Variants in ANKRD18A observed in about 807,000 individuals in gnomAD.
ANKRD18A encodes the protein ankyrin repeat domain 18A.
ANKRD18A carries 72 observed loss-of-function variants against 110.6 expected under a neutral mutation model. That is an observed-to-expected ratio of 0.65 (90% CI 0.54 to 0.79). The LOEUF (loss-of-function observed/expected upper bound fraction) is 0.79, where lower values mean the gene tolerates loss of function less well. ANKRD18A is among the 30% of genes least tolerant of loss of function. The pLI, the probability that ANKRD18A is intolerant of heterozygous loss-of-function variation, is 0.00. For missense variants in ANKRD18A, 934 were observed against 1,163.3 expected, an observed-to-expected ratio of 0.80 and a Z score of 2.87; for synonymous variants, 305 against 410.3, an observed-to-expected ratio of 0.74 and a Z score of 3.10.
intron 12 of ANKRD18A, among the ~76,000 whole-genome samples, chr9:38,580,477 A>G (rs1331213668): frequency 2.6e-5 from 4 of 152,260 alleles, no homozygotes; most frequent in African/African-American, 4.8e-5. Flanking sequence ...TGGTTAATGG[A>G]TACAGAATTA....
intron 5 of ANKRD18A, among the ~76,000 whole-genome samples, 160 bp downstream of exon 5, chr9:38,610,113 G>T (rs988930553): frequency 7.2e-5 from 11 of 152,172 alleles, no homozygotes; most frequent in Admixed American, 4.6e-4. Context: ...AACTAGTCTA[G>T]CTTTCTGTGT....
At chr9:38,589,445 C>T (rs188587417) in intron 10 of ANKRD18A, among the ~76,000 whole-genome samples, 68 of 152,342 alleles carry the variant, frequency 4.5e-4, no homozygotes, top group Non-Finnish European at 7.6e-4. Context: ...AAGTTATGAA[C>T]CTGTCACAAT....
At position 38,618,386 on chromosome 9, in the gene ANKRD18A, G is replaced by T. The variant is rs865787995; in HGVS notation, c.206+1694C>A. On this transcript the variant is annotated intron_variant, in intron 1 of 15. Coordinates refer to ENST00000399703, the MANE Select transcript of ANKRD18A (RefSeq NM_147195.4). Reference sequence around the variant, plus strand: ...CAAACTGATTTGTTTTTCCTCACTGGCTGTAACAAAATGCATCTTCACATA... The same window carrying T: ...CAAACTGATTTGTTTTTCCTCACTGTCTGTAACAAAATGCATCTTCACATA... Among the ~76,000 whole-genome samples the T allele has an allele frequency of 3.8e-4, 58 of 152,200 alleles. No individual in the cohort carries two copies. The Middle Eastern group carries it at 0.01, about 27-fold the overall frequency.
Position 38,577,216 on chromosome 9 carries a change from T to C in ANKRD18A, c.2578A>G (p.Thr860Ala). Residue 860 changes from threonine (T) to alanine (A), a missense_variant, in exon 14 of 16, where the codon ACG (threonine) becomes GCG (alanine). This residue lies in a region of ANKRD18A where 223 missense variants were observed against 226.7 expected (regional missense o/e 0.98). Transcript: ENST00000399703. ...KQLEQLNKDNTASLKKKELTL... is the reference protein window; with the variant it reads ...KQLEQLNKDNAASLKKKELTL... ...AGTTCCTTCTTTTTTAGTGAAGCCG[T>C]ATTATCCTTGTTTAACTGCTCTAAT... 1 of 1,544,656 alleles carries C rather than the reference T, an allele frequency of 6.5e-7. No individual in the cohort carries two copies. The highest frequency in any genetic ancestry group is 8.7e-7 in the Non-Finnish European group (1 of 1,145,560).
intron 1 of ANKRD18A, 95 bp downstream of exon 1, chr9:38,619,985 C>A: frequency 6.9e-7 from 1 of 1,442,914 alleles, no homozygotes; most frequent in Admixed American, 2.6e-5. Context: ...CGAGGGTGCC[C>A]GGCGCCCTCC....
At chr9:38,571,320 G>T, downstream of ANKRD18A, 1 of 1,125,794 alleles carries the variant, frequency 8.9e-7, no homozygotes, top group Non-Finnish European at 1.2e-6. Flanking sequence ...TCTACCACTG[G>T]CCTAATCTTG....
downstream of ANKRD18A, among the ~76,000 whole-genome samples, chr9:38,569,687 G>T (rs1412251886): frequency 6.6e-6 from 1 of 152,134 alleles, no homozygotes; most frequent in Non-Finnish European, 1.5e-5. Flanking sequence ...GTGTTTGTTT[G>T]TCTTGCTTCT....
downstream of ANKRD18A, chr9:38,568,794 C>T: frequency 1.0e-6 from 1 of 985,336 alleles, no homozygotes; most frequent in Non-Finnish European, 1.2e-6. Context: ...CTGACTGCTG[C>T]TGGGGGGACC....
intron 15 of ANKRD18A, chr9:38,573,230 G>T: frequency 1.8e-6 from 1 of 562,056 alleles, no homozygotes; most frequent in South Asian, 8.6e-5. Context: ...TATTTTTAGT[G>T]ACTAGACATA....
At chr9:38,570,681 C>A (rs1167393680), downstream of ANKRD18A, among the ~76,000 whole-genome samples, 1 of 152,258 alleles carries the variant, frequency 6.6e-6, no homozygotes, top group Non-Finnish European at 1.5e-5. Context: ...AGTCTCATTA[C>A]AATGCCACCA....
chr9:38,610,928 A>T (rs1164525214), intron 4 of ANKRD18A, among the ~76,000 whole-genome samples: 2 of 151,264 alleles, frequency 1.3e-5, no homozygotes, highest in Admixed American at 6.6e-5. Flanking sequence ...ACACTTCATA[A>T]AATTAATAAA....
chr9:38,603,049 T>C (rs1173821036), intron 7 of ANKRD18A, 110 bp downstream of exon 7: 2 of 1,419,340 alleles, frequency 1.4e-6, no homozygotes, highest in Non-Finnish European at 1.9e-6. Context: ...AATAGACTGA[T>C]GTACTCCATG....
intron 12 of ANKRD18A, among the ~76,000 whole-genome samples, chr9:38,581,260 C>T (rs988922824): frequency 3.3e-5 from 5 of 152,198 alleles, no homozygotes; most frequent in African/African-American, 1.2e-4. Context: ...TGATGACAAA[C>T]ATTATTGAGA....
At chr9:38,614,433 C>T (rs1031716094) in intron 3 of ANKRD18A, among the ~76,000 whole-genome samples, 2 of 152,058 alleles carry the variant, frequency 1.3e-5, no homozygotes, top group African/African-American at 4.8e-5. Context: ...CAGGAACATG[C>T]CACAGTGCAT....
At chr9:38,578,746 T>C (rs555488037) in intron 12 of ANKRD18A, among the ~76,000 whole-genome samples, 3 of 152,188 alleles carry the variant, frequency 2.0e-5, no homozygotes, top group East Asian at 1.9e-4. Flanking sequence ...TAGCCAGGCA[T>C]GGTGGCTCAG....
chr9:38,613,839 C>G (rs2996355), intron 3 of ANKRD18A, among the ~76,000 whole-genome samples: 1 of 151,980 alleles, frequency 6.6e-6, no homozygotes, highest in Non-Finnish European at 1.5e-5. Flanking sequence ...TGAACATTTG[C>G]TGACACATAA....
Position 38,595,956 on chromosome 9 carries a change from T to C in ANKRD18A, c.1384A>G (p.Ile462Val), listed in dbSNP as rs2118783432. Residue 462 changes from isoleucine to valine, a missense_variant, in exon 9 of 16, where the codon ATT becomes GTT. Physicochemically the swap from Ile to Val is conservative, Grantham distance 29 (BLOSUM62 3). This residue lies in a region of ANKRD18A where 630 missense variants were observed against 797.5 expected (regional missense o/e 0.79). Transcript: ENST00000399703. ...TCATTCTTATCTGTTAGTTGAGAAA[T>C]ATTAGAACCCATTTTTTCATGTCTA... ...VSRHEKMGSN[I>V]SQLTDKNELL... 2.6e-6 allele frequency: 4 copies of C among 1,550,372 alleles called. No homozygotes were observed. Among genetic ancestry groups the C allele is most frequent in the South Asian group, 1.2e-5 (1 of 83,734 alleles).
In ANKRD18A at chr9:38,607,509, G is replaced by A. The variant is rs78175524; in HGVS notation, c.741-16C>T. 1,196 of 1,408,310 alleles carry A rather than the reference G, an allele frequency of 8.5e-4. 28 individuals are homozygous for A. In the East Asian group the frequency reaches 0.025, roughly 29 times the overall value. 87.2% of individuals were successfully genotyped at this position (1,408,310 alleles called of 1,614,324 possible). A position where few individuals can be genotyped will look rare whatever the true frequency, so the allele number is the denominator to read the frequency against. On this transcript the variant is annotated splice_polypyrimidine_tract_variant and intron_variant, in intron 5 of 15. Transcript: ENST00000399703. ...TTGTCGGATGCTATGCATAATAAAC[G>A]TAATAAAATTAGTATTTTAATAGTG...
Position 38,620,244 on chromosome 9 carries a change from C to G in ANKRD18A, c.42G>C (p.Ala14=), listed in dbSNP as rs1438354842. 2 of 1,551,274 alleles carry G rather than the reference C, an allele frequency of 1.3e-6. No homozygotes were observed. Among genetic ancestry groups the G allele is most frequent in the South Asian group, 1.2e-5 (1 of 84,062 alleles). Residue 14 remains alanine (A), a synonymous_variant, in exon 1 of 16, where the codon GCG becomes GCC. Coordinates refer to ENST00000399703, the MANE Select transcript of ANKRD18A (RefSeq NM_147195.4). ...LFSFGRRLGQ[A]LLSSMDQEYA... ...ACTCTTGGTCCATGGAGCTCAGGAGCGCCTGGCCCAGGCGTCTCCCGAAGC... is the reference window on the plus strand; with the variant it reads ...ACTCTTGGTCCATGGAGCTCAGGAGGGCCTGGCCCAGGCGTCTCCCGAAGC...
Sources: gnomAD v4.1 joint callset for allele counts (sites outside exome capture counted in the v4.1 genomes callset) on GRCh38, gnomAD v4.1.1 for gene constraint, gnomAD v4.1.1 regional missense constraint, MANE v1.5 for transcripts, NCBI Gene and HGNC (gene_info 2026-07-23, HGNC 2026-07-21) for gene names.